FGF14: variants seen among roughly 807,000 people sequenced by gnomAD.
The protein encoded by FGF14 is fibroblast growth factor 14, also known as fibroblast growth factor homologous factor 4.
In FGF14, 5 loss-of-function variants were observed where a neutral mutation model predicts 25.5. That is an observed-to-expected ratio of 0.20 (90% CI 0.10 to 0.41). The LOEUF is 0.41. Among genes scored for constraint, FGF14 ranks in the 10% least tolerant of loss-of-function variants. The pLI, the probability that FGF14 is intolerant of heterozygous loss-of-function variation, is 1.00. For synonymous variants in FGF14, 138 were observed against 118.3 expected (o/e 1.17, Z -1.08); for missense variants, 222 against 320.1 (o/e 0.69, Z 2.34).
intron 1 of FGF14, among the ~76,000 whole-genome samples, chr13:101,904,890 AC>A (rs1174962193): frequency 6.6e-6 from 1 of 152,192 alleles, no homozygotes; most frequent in Non-Finnish European, 1.5e-5. Flanking sequence ...AACTTTAGCA[AC>A]TTTTGCAACT....
chr13:102,276,351 G>GTATATATATATA (rs1291212131), intron 1 of FGF14, among the ~76,000 whole-genome samples: 20 of 41,652 alleles, frequency 4.8e-4, no homozygotes, highest in African/African-American at 1.3e-3. Flanking sequence ...GTGTGTGTGT[G>GTATATATATATA]TGTATATATA....
At chr13:101,855,334 T>C (rs975901131) in intron 3 of FGF14, among the ~76,000 whole-genome samples, 3 of 152,038 alleles carry the variant, frequency 2.0e-5, no homozygotes, top group Non-Finnish European at 2.9e-5. Flanking sequence ...ACTTTTTAAA[T>C]GTCAAAACTA....
chr13:102,051,669 G>A (rs938681398), intron 1 of FGF14, among the ~76,000 whole-genome samples: 17 of 152,160 alleles, frequency 1.1e-4, no homozygotes, highest in Non-Finnish European at 2.1e-4. Flanking sequence ...AGCTGATAGA[G>A]CTATACAAAC....
chr13:101,917,378 A>C (rs2033639930), upstream of FGF14, among the ~76,000 whole-genome samples: 1 of 151,580 alleles, frequency 6.6e-6, no homozygotes. Flanking sequence ...TGATTTAAAA[A>C]TAATAAGAAA....
intron 1 of FGF14, among the ~76,000 whole-genome samples, chr13:102,124,469 A>G (rs144947440): frequency 6.6e-6 from 1 of 152,248 alleles, no homozygotes; most frequent in Non-Finnish European, 1.5e-5. Flanking sequence ...GCTATTAAAA[A>G]TTAGAAGAGA....
chr13:101,928,021 A>C (rs2034487467), intron 1 of FGF14, among the ~76,000 whole-genome samples: 1 of 152,146 alleles, frequency 6.6e-6, no homozygotes, highest in South Asian at 2.1e-4. Flanking sequence ...TTTTCAAAAT[A>C]TCTAAAAAAA....
chr13:101,820,541 A>G (rs1258574106), intron 3 of FGF14, among the ~76,000 whole-genome samples: 1 of 134,298 alleles, frequency 7.4e-6, no homozygotes, highest in Non-Finnish European at 1.7e-5. Context: ...TTTGAATTAA[A>G]GCAATATCAT....
At chr13:101,949,919 A>G (rs1269453275) in intron 1 of FGF14, among the ~76,000 whole-genome samples, 1 of 152,186 alleles carries the variant, frequency 6.6e-6, no homozygotes, top group Non-Finnish European at 1.5e-5. Context: ...TATTGGACCC[A>G]GTTGCTTTTT....
intron 1 of FGF14, among the ~76,000 whole-genome samples, chr13:102,001,463 T>C (rs2039491831): frequency 6.6e-6 from 1 of 152,168 alleles, no homozygotes; most frequent in African/African-American, 2.4e-5. Flanking sequence ...ATAATATTTT[T>C]ACTGGAATAA....
chr13:101,980,344 C>CAA (rs35168923), intron 1 of FGF14, among the ~76,000 whole-genome samples: 3 of 144,160 alleles, frequency 2.1e-5, no homozygotes, highest in South Asian at 2.2e-4. Flanking sequence ...CAGAAAATGT[C>CAA]AAAAAAAAAA....
At chr13:101,910,246 AATAAAT>A (rs1402319434) in intron 1 of FGF14, among the ~76,000 whole-genome samples, 5 of 152,098 alleles carry the variant, frequency 3.3e-5, no homozygotes, top group African/African-American at 9.7e-5. Context: ...AGTATAAAAA[AATAAAT>A]AAAATAAAAA....
chr13:102,043,168 T>C (rs2041823349), intron 1 of FGF14, among the ~76,000 whole-genome samples: 1 of 152,310 alleles, frequency 6.6e-6, no homozygotes, highest in South Asian at 2.1e-4. Flanking sequence ...CATACGCATA[T>C]AATCCTTAAA....
chr13:101,829,886 T>A (rs576836060), intron 3 of FGF14, among the ~76,000 whole-genome samples: 1 of 152,212 alleles, frequency 6.6e-6, no homozygotes, highest in East Asian at 1.9e-4. Flanking sequence ...TTTTTCAGGT[T>A]CTGAAAATGA....
intron 1 of FGF14, among the ~76,000 whole-genome samples, chr13:102,212,708 T>G (rs563999982): frequency 1.3e-5 from 2 of 152,346 alleles, no homozygotes; most frequent in East Asian, 3.9e-4. Context: ...ATTACAAGTC[T>G]GACAATTGAG....
intron 1 of FGF14, among the ~76,000 whole-genome samples, chr13:102,327,219 T>C (rs1298342953): frequency 4.6e-5 from 7 of 152,340 alleles, no homozygotes; most frequent in Middle Eastern, 3.4e-3. Flanking sequence ...GTAACATTAA[T>C]GTTAATATAA....
intron 3 of FGF14, among the ~76,000 whole-genome samples, chr13:101,855,172 C>T (rs1053843716): frequency 2.0e-5 from 3 of 151,976 alleles, no homozygotes; most frequent in Admixed American, 6.6e-5. Context: ...CTCACTTTGA[C>T]GTGACATTAA....
intron 1 of FGF14, among the ~76,000 whole-genome samples, chr13:102,356,131 T>A (rs1054441172): frequency 6.6e-6 from 1 of 152,092 alleles, no homozygotes; most frequent in Admixed American, 6.6e-5. Flanking sequence ...TGGAGAAAAA[T>A]AAAGAGATGA....
intron 1 of FGF14, chr13:102,017,153 G>T: frequency 4.2e-6 from 1 of 240,330 alleles, no homozygotes; most frequent in Non-Finnish European, 8.3e-6. Context: ...CAAGTATGCT[G>T]CTAGCTGTCC....
At chr13:102,070,292 T>C (rs753733000) in intron 1 of FGF14, among the ~76,000 whole-genome samples, 2 of 152,220 alleles carry the variant, frequency 1.3e-5, no homozygotes, top group Non-Finnish European at 2.9e-5. Flanking sequence ...TCAATATCAT[T>C]CATTGATCAG....
Sources: allele counts gnomAD v4.1 joint callset (sites outside exome capture counted in the v4.1 genomes callset), GRCh38; gene constraint gnomAD v4.1.1; transcripts MANE v1.5; gene names NCBI Gene and HGNC (gene_info 2026-07-23, HGNC 2026-07-21).